The following TSPO variants were observed in gnomAD, a reference collection of about 807,000 sequenced individuals.
TSPO encodes the protein benzodiazepine peripheral binding site.
Under a neutral mutation model 13.9 loss-of-function variants are expected in TSPO, and 14 were observed. The observed-to-expected ratio is 1.01, with a 90% CI of 0.67 to 1.58. The LOEUF (loss-of-function observed/expected upper bound fraction) is 1.58. TSPO is among the 40% of genes most tolerant of loss of function. The pLI is 0.00. For missense variants in TSPO, 232 were observed against 229.6 expected, an observed-to-expected ratio of 1.01 and a Z score of -0.07; for synonymous variants, 114 against 105.9, an observed-to-expected ratio of 1.08 and a Z score of -0.47.
At position 43,162,838 on chromosome 22, in the gene TSPO, G is replaced by A. The variant is rs754183202; in HGVS notation, c.357G>A (p.Ala119=). Residue 119 remains alanine, a synonymous_variant, in exon 4 of 4, where the codon GCG becomes GCA. Coordinates refer to ENST00000337554, the MANE Select transcript of TSPO (RefSeq NM_000714.6). ...LVDLLLVSGA[A]AATTVAWYQV... is the part of the protein sequence containing the mutation. ...ATCTCCTGCTGGTCAGTGGGGCGGCGGCAGCCACTACCGTGGCCTGGTACC... is the reference window on the plus strand; with the variant it reads ...ATCTCCTGCTGGTCAGTGGGGCGGCAGCAGCCACTACCGTGGCCTGGTACC... 1.0e-5 allele frequency: 16 copies of A among 1,584,384 alleles called. 1 individual carries two copies. Among genetic ancestry groups the A allele is most frequent in the African/African-American group, 2.7e-5 (2 of 74,456 alleles).
intron 1 of TSPO, chr22:43,152,275 C>T (rs1184605386): frequency 6.6e-6 from 1 of 152,312 alleles, no homozygotes; most frequent in Non-Finnish European, 1.5e-5. Context: ...GGGCAGCTGC[C>T]AGAGGCCATG....
chr22:43,162,562 T>G (rs1931476505), intron 3 of TSPO, among the ~76,000 whole-genome samples: 1 of 152,154 alleles, frequency 6.6e-6, no homozygotes, highest in Non-Finnish European at 1.5e-5. Flanking sequence ...CCGAGTTCAC[T>G]TCAGGCATGT....
intron 1 of TSPO, among the ~76,000 whole-genome samples, chr22:43,158,336 C>G (rs1009627652): frequency 1.3e-5 from 2 of 152,254 alleles, no homozygotes; most frequent in African/African-American, 4.8e-5. Context: ...CCTGTGCCCC[C>G]CTGGGTCCTA....
intron 3 of TSPO, among the ~76,000 whole-genome samples, chr22:43,161,791 C>T (rs1468022310): frequency 2.0e-5 from 3 of 151,936 alleles, no homozygotes; most frequent in Admixed American, 6.6e-5. Flanking sequence ...TGTAAGCCAC[C>T]GCGCCCGGCT....
chr22:43,155,310 T>C (rs1342066037), intron 1 of TSPO, among the ~76,000 whole-genome samples: 1 of 152,140 alleles, frequency 6.6e-6, no homozygotes, highest in Non-Finnish European at 1.5e-5. Flanking sequence ...ACCGTCGGGA[T>C]GAGCACGGAC....
intron 1 of TSPO, among the ~76,000 whole-genome samples, chr22:43,157,438 C>G (rs1316229875): frequency 3.3e-5 from 5 of 152,126 alleles, no homozygotes; most frequent in Non-Finnish European, 7.4e-5. Flanking sequence ...GATGGGGTAA[C>G]TGTCCCCATT....
chr22:43,152,714 A>T (rs1931111448), intron 1 of TSPO, among the ~76,000 whole-genome samples: 1 of 152,236 alleles, frequency 6.6e-6, no homozygotes, highest in Non-Finnish European at 1.5e-5. Flanking sequence ...CTTGCCAAAG[A>T]AGCCTTTGTC....
intron 1 of TSPO, among the ~76,000 whole-genome samples, 169 bp from the exon 2 acceptor site, chr22:43,159,041 G>A (rs1014458699): frequency 6.6e-6 from 1 of 151,234 alleles, no homozygotes; most frequent in African/African-American, 2.5e-5. Flanking sequence ...GCAGGAGCAA[G>A]GCTGGAAATG....
intron 1 of TSPO, among the ~76,000 whole-genome samples, chr22:43,152,809 G>T (rs1328903530): frequency 6.6e-6 from 1 of 152,204 alleles, no homozygotes; most frequent in African/African-American, 2.4e-5. Context: ...GTGCCCCGAG[G>T]ACCACTTTCT....
chr22:43,159,512 G>A, intron 2 of TSPO, 92 bp downstream of exon 2: 1 of 1,276,922 alleles, frequency 7.8e-7, no homozygotes, highest in African/African-American at 1.5e-5. Context: ...GGCGGGCCAT[G>A]GACCATGGCA....
rs184814875 is a variant in TSPO at position 43,160,428 on chromosome 22, G to C, written c.183-624G>C. On this transcript the variant is annotated intron_variant, in intron 2 of 3. Transcript: ENST00000337554. The stretch of plus-strand genomic sequence containing the variant: ...CCGCCTCAGTCTCCTCACTGTAAAG[G>C]GGGTGCTGATACTGCCTGCCTTATG... 1.8e-3 allele frequency among the ~76,000 whole-genome samples: 276 copies of C among 152,328 alleles called. 3 individuals are homozygous for C. The highest frequency in any genetic ancestry group is 2.9e-3 in the Admixed American group (44 of 15,304).
chr22:43,159,742 A>G (rs915008280), intron 2 of TSPO: 21 of 291,388 alleles, frequency 7.2e-5, no homozygotes, highest in Admixed American at 1.6e-4. Flanking sequence ...AACGGCAGCA[A>G]CAGCCCCAAG....
intron 1 of TSPO, among the ~76,000 whole-genome samples, chr22:43,154,873 G>C (rs1306739760): frequency 6.6e-6 from 1 of 152,136 alleles, no homozygotes; most frequent in Non-Finnish European, 1.5e-5. Flanking sequence ...ATTCTGCAGG[G>C]CCCGATGCTC....
At chr22:43,156,354 G>T (rs1931249402) in intron 1 of TSPO, among the ~76,000 whole-genome samples, 2 of 152,194 alleles carry the variant, frequency 1.3e-5, no homozygotes, top group African/African-American at 4.8e-5. Flanking sequence ...CCCTGGCTGG[G>T]TGCTGGAGCC....
chr22:43,157,975 G>T (rs1022652527), intron 1 of TSPO, among the ~76,000 whole-genome samples: 3 of 152,204 alleles, frequency 2.0e-5, no homozygotes, highest in Admixed American at 1.3e-4. Flanking sequence ...CTTGGTTTGT[G>T]GGGGGCCAGT....
intron 1 of TSPO, among the ~76,000 whole-genome samples, chr22:43,153,069 T>C (rs1931130323): frequency 7.0e-6 from 1 of 142,682 alleles, no homozygotes; most frequent in Non-Finnish European, 1.5e-5. Context: ...CTTTCTTCTT[T>C]CTCTTTCTTT....
chr22:43,158,448 G>A (rs1353600585), intron 1 of TSPO, among the ~76,000 whole-genome samples: 2 of 152,138 alleles, frequency 1.3e-5, no homozygotes, highest in Non-Finnish European at 2.9e-5. Flanking sequence ...TCTCCACCTA[G>A]AATCAGAGTG....
At chr22:43,158,003 T>C (rs1931309171) in intron 1 of TSPO, among the ~76,000 whole-genome samples, 1 of 152,206 alleles carries the variant, frequency 6.6e-6, no homozygotes, top group Non-Finnish European at 1.5e-5. Flanking sequence ...AGTCCCTGGC[T>C]GCTGGGCACT....
At chr22:43,160,581 A>T (rs1363221775) in intron 2 of TSPO, among the ~76,000 whole-genome samples, 1 of 152,022 alleles carries the variant, frequency 6.6e-6, no homozygotes, top group Non-Finnish European at 1.5e-5. Context: ...AGCTCCCATG[A>T]TCAGGCCTCC....
Sources: gnomAD v4.1 joint callset for allele counts (sites outside exome capture counted in the v4.1 genomes callset) on GRCh38, gnomAD v4.1.1 for gene constraint, MANE v1.5 for transcripts, NCBI Gene and HGNC (gene_info 2026-07-23, HGNC 2026-07-21) for gene names.